The following SEMA4D variants were observed in gnomAD, a reference collection of about 807,000 sequenced individuals.
The protein encoded by SEMA4D is semaphorin-4D.
SEMA4D carries 22 observed loss-of-function variants against 74.8 expected under a neutral mutation model. That is an observed-to-expected ratio of 0.29 (90% CI 0.21 to 0.42). The LOEUF is 0.42. SEMA4D is among the 10% of genes least tolerant of loss of function. The pLI is 1.00. For synonymous variants in SEMA4D, 445 were observed against 463.7 expected, an observed-to-expected ratio of 0.96 and a Z score of 0.52; for missense variants, 937 against 1,118.4, an observed-to-expected ratio of 0.84 and a Z score of 2.31.
intron 2 of SEMA4D, among the ~76,000 whole-genome samples, chr9:89,442,066 T>A (rs1043102620): frequency 6.6e-6 from 1 of 151,614 alleles, no homozygotes; most frequent in Non-Finnish European, 1.5e-5. Context: ...GCCAGGCTGG[T>A]GAGTTCAGCA....
At chr9:89,461,848 G>A (rs139011964) in intron 1 of SEMA4D, among the ~76,000 whole-genome samples, 10,732 of 151,700 alleles carry the variant, frequency 0.071, 690 homozygotes, top group East Asian at 0.33. Context: ...GATTACAGGC[G>A]TGCGCCACTA....
chr9:89,386,312 G>A (rs1315934051), intron 13 of SEMA4D, 55 bp downstream of exon 13: 1 of 1,385,174 alleles, frequency 7.2e-7, no homozygotes, highest in Non-Finnish European at 1.0e-6. Context: ...CTGTCACCTA[G>A]AATCAAAGCC....
At chr9:89,472,037 G>C (rs1276932259) in intron 1 of SEMA4D, among the ~76,000 whole-genome samples, 1 of 152,204 alleles carries the variant, frequency 6.6e-6, no homozygotes, top group African/African-American at 2.4e-5. Flanking sequence ...TGCCAGCTCG[G>C]GTGCATGCCC....
At chr9:89,462,785 TA>T (rs929239926) in intron 1 of SEMA4D, among the ~76,000 whole-genome samples, 6 of 150,020 alleles carry the variant, frequency 4.0e-5, no homozygotes, top group African/African-American at 1.5e-4. Flanking sequence ...TCTCTACAAA[TA>T]AAAAACAATT....
At chr9:89,439,826 G>GC (rs1294850285) in intron 2 of SEMA4D, among the ~76,000 whole-genome samples, 3 of 152,148 alleles carry the variant, frequency 2.0e-5, no homozygotes, top group African/African-American at 7.2e-5. Context: ...AGTCAGTGAT[G>GC]CCCCCACTTC....
intron 2 of SEMA4D, among the ~76,000 whole-genome samples, chr9:89,429,246 G>A (rs544485291): frequency 2.8e-4 from 42 of 152,262 alleles, no homozygotes; most frequent in African/African-American, 6.3e-4. Flanking sequence ...CGGCCACCTC[G>A]GCTGACTCTG....
chr9:89,439,083 G>C (rs1049416166), intron 2 of SEMA4D, among the ~76,000 whole-genome samples: 15 of 141,962 alleles, frequency 1.1e-4, no homozygotes, highest in African/African-American at 4.0e-4. Flanking sequence ...CCGGATTCCA[G>C]CGATCCTCCT....
chr9:89,363,136 C>T (rs1030791779), intron 18 of SEMA4D, among the ~76,000 whole-genome samples: 3 of 152,158 alleles, frequency 2.0e-5, no homozygotes, highest in Non-Finnish European at 2.9e-5. Context: ...ATGGGGTGGT[C>T]GTGGGGGCCC....
intron 1 of SEMA4D, among the ~76,000 whole-genome samples, chr9:89,490,994 C>T (rs1460610960): frequency 6.6e-6 from 1 of 152,198 alleles, no homozygotes; most frequent in Non-Finnish European, 1.5e-5. Flanking sequence ...CTTACCAAAT[C>T]CTGGTCTATA....
intron 1 of SEMA4D, among the ~76,000 whole-genome samples, chr9:89,461,584 T>C (rs1208778424): frequency 2.6e-5 from 4 of 152,138 alleles, no homozygotes; most frequent in South Asian, 2.1e-4. Context: ...TCCAAACATT[T>C]TTCTCCTATA....
intron 2 of SEMA4D, among the ~76,000 whole-genome samples, chr9:89,440,287 C>T (rs1851413164): frequency 6.6e-6 from 1 of 152,228 alleles, no homozygotes; most frequent in Non-Finnish European, 1.5e-5. Context: ...CATTCCTCTC[C>T]AGCCCCTGTG....
At chr9:89,432,742 T>C (rs1016693259) in intron 2 of SEMA4D, among the ~76,000 whole-genome samples, 5 of 151,896 alleles carry the variant, frequency 3.3e-5, no homozygotes, top group African/African-American at 1.2e-4. Flanking sequence ...CAAGTGTTGG[T>C]GAGGATGTGG....
intron 1 of SEMA4D, among the ~76,000 whole-genome samples, chr9:89,462,981 AGG>A (rs1564882493): frequency 5.5e-5 from 8 of 144,458 alleles, no homozygotes; most frequent in Non-Finnish European, 9.3e-5. Context: ...GAGGGGAGCG[AGG>A]GAGAAAGAGA....
At chr9:89,404,733 C>A (rs1342855160) in intron 3 of SEMA4D, among the ~76,000 whole-genome samples, 2 of 149,692 alleles carry the variant, frequency 1.3e-5, no homozygotes, top group Non-Finnish European at 3.0e-5. Context: ...AGTGGGGTCC[C>A]TGTCCCATTC....
At chr9:89,369,820 G>A (rs1340170610) in intron 16 of SEMA4D, among the ~76,000 whole-genome samples, 1 of 152,186 alleles carries the variant, frequency 6.6e-6, no homozygotes, top group African/African-American at 2.4e-5. Context: ...CCACGGGGCT[G>A]CATCCCAATA....
intron 2 of SEMA4D, among the ~76,000 whole-genome samples, chr9:89,434,544 C>T (rs529324962): frequency 2.6e-5 from 4 of 152,342 alleles, no homozygotes; most frequent in East Asian, 1.9e-4. Context: ...AGTTTTTCTT[C>T]CCTCCACCAC....
At chr9:89,383,707 G>C (rs551691376) in intron 13 of SEMA4D, among the ~76,000 whole-genome samples, 2 of 152,186 alleles carry the variant, frequency 1.3e-5, no homozygotes, top group South Asian at 4.2e-4. Context: ...AGGTGGGGGC[G>C]CTCAAGATCC....
chr9:89,392,513 A>T lies in SEMA4D; in HGVS notation c.532T>A (p.Ser178Thr). 1 of 1,613,790 alleles carries T rather than the reference A, an allele frequency of 6.2e-7. No individual in the cohort carries two copies. Among genetic ancestry groups the T allele is most frequent in the South Asian group, 1.1e-5 (1 of 91,054 alleles). The change falls in exon 8 of 16, where the codon TCG becomes ACG. Residue 178 changes from serine to threonine, a missense_variant. By Grantham distance (58) the Ser-to-Thr change is moderately conservative (BLOSUM62 1). Transcript: ENST00000422704. ...GGTTCACTTCCCAAAAAATTATACG[A>T]CGTCCCCGAATAAAGTTCTCCATCT... ...MVDGELYSGT[S>T]YNFLGSEPII... is the part of the protein sequence containing the mutation.
chr9:89,419,399 G>C (rs894222459), intron 2 of SEMA4D, among the ~76,000 whole-genome samples: 4 of 152,154 alleles, frequency 2.6e-5, no homozygotes, highest in Non-Finnish European at 5.9e-5. Flanking sequence ...GAGCATTTGG[G>C]CACAACTGCT....
Sources: gnomAD v4.1 joint callset for allele counts (sites outside exome capture counted in the v4.1 genomes callset) on GRCh38, gnomAD v4.1.1 for gene constraint, MANE v1.5 for transcripts, NCBI Gene and HGNC (gene_info 2026-07-23, HGNC 2026-07-21) for gene names.